The following PRELID2 variants were observed in gnomAD, a reference collection of about 807,000 sequenced individuals.
The protein encoded by PRELID2 is PRELI domain-containing protein 2.
PRELID2 carries 25 observed loss-of-function variants against 28.4 expected under a neutral mutation model. The observed-to-expected ratio is 0.88, with a 90% confidence interval of 0.64 to 1.23. PRELID2 has a LOEUF of 1.23. Ranked by LOEUF, PRELID2 falls within the 50% of genes most tolerant of loss-of-function variation. The probability of loss-of-function intolerance (pLI) is 0.00; values close to 1 mark genes in which losing one functional copy is unlikely to be tolerated. For synonymous variants in PRELID2, 76 were observed against 71.6 expected (o/e 1.06, Z -0.31); for missense variants, 201 against 214.4 (o/e 0.94, Z 0.39).
the PRELID2 span, among the ~76,000 whole-genome samples, chr5:145,387,349 AG>A: frequency 6.6e-6 from 1 of 152,158 alleles, no homozygotes; most frequent in Non-Finnish European, 1.5e-5. Flanking sequence ...TAATAATGGA[AG>A]GGATGACCTC....
Position 145,819,980 on chromosome 5 carries a change from T to C in PRELID2, c.172A>G (p.Ile58Val), listed in dbSNP as rs1356970113. The change falls in exon 3 of 7, where the codon ATC becomes GTC. Residue 58 changes from isoleucine (I) to valine (V), a missense_variant. By Grantham distance (29) the Ile-to-Val change is conservative. Coordinates refer to ENST00000683046, the MANE Select transcript of PRELID2 (RefSeq NM_205846.3). ...TGVIYRKRIAICQNVVPEILR... is the reference protein window; with the variant it reads ...TGVIYRKRIAVCQNVVPEILR... ...ATTTCTGGAACCACGTTCTGACAGA[T>C]TGCAATCCTCTTTCTGTAGATGACC... The C allele has an allele frequency of 2.5e-6, 4 of 1,608,072 alleles. No homozygotes were observed. Among genetic ancestry groups the C allele is most frequent in the Non-Finnish European group, 3.4e-6 (4 of 1,176,802 alleles).
chr5:145,584,728 A>C (rs1753137467), intron 1 of PRELID2, among the ~76,000 whole-genome samples: 1 of 152,188 alleles, frequency 6.6e-6, no homozygotes, highest in Non-Finnish European at 1.5e-5. Context: ...CAAAACTACA[A>C]TGAGATACCA....
At chr5:145,694,076 A>C (rs1755206170) in intron 1 of PRELID2, among the ~76,000 whole-genome samples, 1 of 152,216 alleles carries the variant, frequency 6.6e-6, no homozygotes, top group African/African-American at 2.4e-5. Flanking sequence ...CCTCTGTAAA[A>C]TGAGGGCAAA....
chr5:145,641,691 G>T (rs1348551412), intron 1 of PRELID2, among the ~76,000 whole-genome samples: 2 of 152,180 alleles, frequency 1.3e-5, no homozygotes, highest in African/African-American at 4.8e-5. Context: ...ACAGGCCCTG[G>T]TGTGTGATGT....
At chr5:145,301,222 T>C in the PRELID2 span, among the ~76,000 whole-genome samples, 1 of 152,096 alleles carries the variant, frequency 6.6e-6, no homozygotes, top group South Asian at 2.1e-4. Context: ...TGGTTTTAAT[T>C]TTTATTTTCC....
chr5:145,657,272 AT>A (rs1323051724), intron 1 of PRELID2, among the ~76,000 whole-genome samples: 2 of 152,194 alleles, frequency 1.3e-5, no homozygotes, highest in South Asian at 4.1e-4. Flanking sequence ...CCAATTGTGA[AT>A]TTTTTTAAAA....
the PRELID2 span, among the ~76,000 whole-genome samples, chr5:145,343,811 T>C: frequency 6.7e-6 from 1 of 150,164 alleles, no homozygotes; most frequent in Non-Finnish European, 1.5e-5. Context: ...ATAAGCAAAA[T>C]CAGAAATGAA....
intron 1 of PRELID2, among the ~76,000 whole-genome samples, chr5:145,673,977 G>A (rs1032254573): frequency 7.9e-5 from 12 of 152,150 alleles, no homozygotes; most frequent in Non-Finnish European, 1.5e-4. Flanking sequence ...TGCACACAAA[G>A]TTAACTTTCA....
At chr5:145,809,019 G>A in intron 4 of PRELID2, among the ~76,000 whole-genome samples, 1 of 148,566 alleles carries the variant, frequency 6.7e-6, no homozygotes, top group African/African-American at 2.5e-5. Flanking sequence ...ACTTCACTAG[G>A]CTGAGCTTTT....
At chr5:145,304,249 G>T in the PRELID2 span, among the ~76,000 whole-genome samples, 1 of 152,006 alleles carries the variant, frequency 6.6e-6, no homozygotes, top group South Asian at 2.1e-4. Flanking sequence ...AATGTTCACA[G>T]CAATTCTATG....
intron 1 of PRELID2, among the ~76,000 whole-genome samples, chr5:145,672,471 C>G (rs1324997533): frequency 7.0e-6 from 1 of 143,282 alleles, no homozygotes; most frequent in African/African-American, 2.7e-5. Context: ...TTTTTTGAAG[C>G]TAATGCTCAG....
chr5:145,809,177 G>C (rs1013104122), intron 4 of PRELID2, among the ~76,000 whole-genome samples: 2 of 151,476 alleles, frequency 1.3e-5, no homozygotes, highest in Non-Finnish European at 2.9e-5. Context: ...AAGTAGTTAC[G>C]ACCACAGGCA....
At chr5:145,625,309 A>G (rs62394224) in intron 1 of PRELID2, among the ~76,000 whole-genome samples, 19,713 of 152,038 alleles carry the variant, frequency 0.13, 1,811 homozygotes, top group African/African-American at 0.23. Context: ...TCTACAAACA[A>G]CTCACTGACT....
intron 1 of PRELID2, among the ~76,000 whole-genome samples, chr5:145,631,630 C>T (rs998017862): frequency 2.0e-5 from 3 of 152,178 alleles, no homozygotes; most frequent in African/African-American, 7.2e-5. Context: ...ACATCCTCAG[C>T]ATCTGGATCC....
chr5:145,356,345 T>C, the PRELID2 span, among the ~76,000 whole-genome samples: 2 of 151,968 alleles, frequency 1.3e-5, no homozygotes, highest in Admixed American at 6.6e-5. Context: ...TTAATATAAA[T>C]AATAATCATA....
At chr5:145,300,960 C>A in the PRELID2 span, among the ~76,000 whole-genome samples, 1 of 151,936 alleles carries the variant, frequency 6.6e-6, no homozygotes, top group Non-Finnish European at 1.5e-5. Flanking sequence ...TCCCATCAAA[C>A]CCATTATGTA....
chr5:145,537,114 C>T (rs1200030276), intron 1 of PRELID2, among the ~76,000 whole-genome samples: 1 of 151,702 alleles, frequency 6.6e-6, no homozygotes, highest in Non-Finnish European at 1.5e-5. Context: ...TTTTACTTAC[C>T]AAAAGGGCAT....
At chr5:145,594,804 G>A (rs1281228446) in intron 1 of PRELID2, among the ~76,000 whole-genome samples, 1 of 152,148 alleles carries the variant, frequency 6.6e-6, no homozygotes, top group African/African-American at 2.4e-5. Flanking sequence ...ATGAACTCAT[G>A]TTAGTTTAAC....
At chr5:145,806,627 T>C (rs1384669260) in intron 4 of PRELID2, among the ~76,000 whole-genome samples, 1 of 152,226 alleles carries the variant, frequency 6.6e-6, no homozygotes, top group Non-Finnish European at 1.5e-5. Context: ...TTTATTACCA[T>C]TTATATGGTT....
Sources: allele counts gnomAD v4.1 joint callset (sites outside exome capture counted in the v4.1 genomes callset), GRCh38; gene constraint gnomAD v4.1.1; transcripts MANE v1.5; gene names NCBI Gene and HGNC (gene_info 2026-07-23, HGNC 2026-07-21).